TRPM3: variants seen among roughly 807,000 people sequenced by gnomAD.
TRPM3 encodes the protein transient receptor potential cation channel subfamily M member 3.
TRPM3 carries 77 observed loss-of-function variants against 181.2 expected under a neutral mutation model. The ratio of observed to expected loss-of-function variants is 0.42; its 90% CI spans 0.35 to 0.51. The LOEUF (loss-of-function observed/expected upper bound fraction) is 0.51. TRPM3 is among the 20% of genes least tolerant of loss of function. The probability of loss-of-function intolerance (pLI) is 0.01; values close to 1 mark genes in which losing one functional copy is unlikely to be tolerated. For missense variants in TRPM3, 1,759 were observed against 2,196.7 expected (o/e 0.80, Z 3.98); for synonymous variants, 745 against 796.4 (o/e 0.94, Z 1.09).
chr9:70,607,111 C>T (rs1420703406), intron 19 of TRPM3, among the ~76,000 whole-genome samples: 1 of 152,160 alleles, frequency 6.6e-6, no homozygotes, highest in African/African-American at 2.4e-5. Context: ...GCCAGTTGGA[C>T]CCCTGCCTCC....
Position 71,355,891 on chromosome 9 carries a change from GA to G in TRPM3, c.183+90761del, listed in dbSNP as rs796701092. On this transcript the variant is annotated intron_variant, in intron 1 of 24. Transcript: ENST00000357533. ...ATCCCTTAAAAGAAAATAATATTTT[GA>G]AAAAAAAATAAGATTTTTATTAGAC... Among the ~76,000 whole-genome samples, 167 of 148,536 alleles carry G rather than the reference GA, an allele frequency of 1.1e-3. 1 individual carries two copies. The highest frequency in any genetic ancestry group is 6.2e-3 in the South Asian group (29 of 4,692).
chr9:71,386,515 TA>T (rs2092927355), intron 1 of TRPM3, among the ~76,000 whole-genome samples: 1 of 151,824 alleles, frequency 6.6e-6, no homozygotes, highest in Non-Finnish European at 1.5e-5. Context: ...TTGGCAAAAC[TA>T]ATAAGAATAA....
intron 1 of TRPM3, among the ~76,000 whole-genome samples, chr9:70,903,938 T>C (rs1025854889): frequency 9.9e-5 from 15 of 151,756 alleles, no homozygotes; most frequent in Non-Finnish European, 2.2e-4. Context: ...CTTTTGCTGA[T>C]TTTTTTAAAA....
intron 15 of TRPM3, 54 bp downstream of exon 15, chr9:70,621,190 A>T: frequency 7.9e-7 from 1 of 1,267,292 alleles, no homozygotes; most frequent in Non-Finnish European, 1.1e-6. Flanking sequence ...CATATATATA[A>T]TGGGTAATAA....
intron 1 of TRPM3, among the ~76,000 whole-genome samples, chr9:71,007,656 A>G (rs561931654): frequency 2.0e-5 from 3 of 152,184 alleles, no homozygotes; most frequent in Admixed American, 6.5e-5. Flanking sequence ...GTAAATTAAA[A>G]AATTCCTTGG....
intron 1 of TRPM3, among the ~76,000 whole-genome samples, chr9:71,435,329 G>T (rs940704157): frequency 6.6e-6 from 1 of 152,184 alleles, no homozygotes. Context: ...TCTGTAGCAA[G>T]AAAGTCTCTC....
intron 9 of TRPM3, among the ~76,000 whole-genome samples, chr9:70,657,197 GTAAA>G (rs2060476893): frequency 1.0e-5 from 1 of 98,450 alleles, no homozygotes; most frequent in African/African-American, 4.7e-5. Context: ...TGGGCTTGAG[GTAAA>G]AAAAAAAAAA....
chr9:71,138,973 A>C (rs2134523763), intron 1 of TRPM3, among the ~76,000 whole-genome samples: 1 of 152,300 alleles, frequency 6.6e-6, no homozygotes, highest in East Asian at 1.9e-4. Flanking sequence ...CCTCATGATT[A>C]GTATATTTAA....
At chr9:70,934,561 G>C (rs914005477) in intron 1 of TRPM3, among the ~76,000 whole-genome samples, 2 of 152,180 alleles carry the variant, frequency 1.3e-5, no homozygotes, top group African/African-American at 4.8e-5. Flanking sequence ...GCAGTTCTTA[G>C]CCTCGGTTTC....
intron 1 of TRPM3, among the ~76,000 whole-genome samples, chr9:71,181,497 C>T (rs1423605873): frequency 6.6e-6 from 1 of 151,820 alleles, no homozygotes; most frequent in African/African-American, 2.4e-5. Flanking sequence ...AAATACATAG[C>T]TTAAATAATA....
intron 1 of TRPM3, among the ~76,000 whole-genome samples, chr9:71,100,173 A>G (rs963225927): frequency 3.3e-5 from 5 of 152,158 alleles, no homozygotes; most frequent in Admixed American, 2.0e-4. Flanking sequence ...TTTTAACTCC[A>G]TTGATTAACA....
At chr9:70,686,346 G>A (rs1025033640) in intron 8 of TRPM3, among the ~76,000 whole-genome samples, 3 of 152,192 alleles carry the variant, frequency 2.0e-5, no homozygotes, top group East Asian at 3.9e-4. Context: ...TATTACAAAC[G>A]CCATTGCAGT....
intron 1 of TRPM3, among the ~76,000 whole-genome samples, chr9:71,060,671 G>T (rs1437288876): frequency 6.6e-6 from 1 of 152,098 alleles, no homozygotes; most frequent in African/African-American, 2.4e-5. Flanking sequence ...TCATCTGTTT[G>T]CTTGACTCCT....
chr9:70,674,932 A>G (rs1269687826), intron 9 of TRPM3, among the ~76,000 whole-genome samples: 4 of 151,848 alleles, frequency 2.6e-5, no homozygotes, highest in Non-Finnish European at 4.4e-5. Context: ...CCCTAAAGAT[A>G]CAATTGTACA....
At chr9:71,150,537 A>T (rs1249897591) in intron 1 of TRPM3, among the ~76,000 whole-genome samples, 1 of 152,188 alleles carries the variant, frequency 6.6e-6, no homozygotes, top group East Asian at 1.9e-4. Flanking sequence ...AAAATTTGAA[A>T]TTACAGATAC....
At position 70,537,281 on chromosome 9, in the gene TRPM3, C is replaced by T; in HGVS notation, c.3832G>A (p.Ala1278Thr). 1 of 1,568,946 alleles carries T rather than the reference C, an allele frequency of 6.4e-7. No homozygotes were observed. Among genetic ancestry groups the T allele is most frequent in the Non-Finnish European group, 8.7e-7 (1 of 1,153,892 alleles). The change falls in exon 26 of 26, where the codon GCC becomes ACC. Residue 1278 changes from alanine (A) to threonine (T), a missense_variant. Around this residue, in one of 8 missense-constraint regions of TRPM3, gnomAD observed 612 missense variants for 590.0 expected, o/e 1.04. Transcript: ENST00000677713. ...TCCAGACCTGTCAGGCGCTCCAGGG[C>T]CGTGGCCATGCGCCCGATAAGGTCT... Reference protein sequence around the residue: ...LEDLIGRMATALERLTGLERA... With the variant: ...LEDLIGRMATTLERLTGLERA...
At chr9:70,949,941 A>T (rs1449270646) in intron 1 of TRPM3, among the ~76,000 whole-genome samples, 4 of 152,146 alleles carry the variant, frequency 2.6e-5, no homozygotes, top group South Asian at 4.1e-4. Context: ...ACCTACAGGC[A>T]TGTTGATAGA....
intron 9 of TRPM3, among the ~76,000 whole-genome samples, chr9:70,665,536 C>A (rs1306125511): frequency 6.6e-6 from 1 of 152,124 alleles, no homozygotes; most frequent in South Asian, 2.1e-4. Flanking sequence ...CTTTATTGTG[C>A]CCTCTGCCAT....
intron 10 of TRPM3, among the ~76,000 whole-genome samples, 199 bp downstream of exon 10, chr9:70,640,361 T>G (rs1330138543): frequency 2.0e-5 from 3 of 152,210 alleles, no homozygotes; most frequent in Non-Finnish European, 4.4e-5. Flanking sequence ...TGGAGTTGTG[T>G]TCAGTTGAAA....
Sources: allele counts gnomAD v4.1 joint callset (sites outside exome capture counted in the v4.1 genomes callset), GRCh38; gene constraint gnomAD v4.1.1; regional missense constraint gnomAD v4.1.1; transcripts MANE v1.5; gene names NCBI Gene and HGNC (gene_info 2026-07-23, HGNC 2026-07-21).